Variants in INSL6 observed in about 807,000 individuals in gnomAD.
The protein encoded by INSL6 is insulin like 6, also known as insulin-like peptide INSL6.
Under a neutral mutation model 9.4 loss-of-function variants are expected in INSL6, and 16 were observed. The observed-to-expected ratio is 1.70, with a 90% CI of 1.15 to 2.59. INSL6 has a LOEUF of 2.59. Among genes scored for constraint, INSL6 ranks in the 30% most tolerant of loss-of-function variants. INSL6 has a pLI of 0.00. For missense variants in INSL6, 391 were observed against 257.3 expected (o/e 1.52, Z -3.56); for synonymous variants, 154 against 96.9 (o/e 1.59, Z -3.46).
the INSL6 span, among the ~76,000 whole-genome samples, chr9:4,997,634 C>A: frequency 6.6e-6 from 1 of 152,174 alleles, no homozygotes; most frequent in African/African-American, 2.4e-5. Flanking sequence ...AAGGGGACAA[C>A]ATCCAAACTG....
chr9:5,102,615 G>A, the INSL6 span, among the ~76,000 whole-genome samples: 1 of 152,078 alleles, frequency 6.6e-6, no homozygotes, highest in Non-Finnish European at 1.5e-5. Flanking sequence ...TTGAAATGAA[G>A]GAAAAAAATG....
At chr9:5,086,749 C>T in the INSL6 span, among the ~76,000 whole-genome samples, 4 of 152,090 alleles carry the variant, frequency 2.6e-5, no homozygotes, top group Non-Finnish European at 5.9e-5. Flanking sequence ...TGGCTTTTTT[C>T]AACATAAATG....
chr9:5,082,129 G>C, the INSL6 span, among the ~76,000 whole-genome samples: 30 of 148,660 alleles, frequency 2.0e-4, no homozygotes, highest in Admixed American at 2.0e-3. Context: ...CAAAAGTATA[G>C]AGAAAGAAAA....
the INSL6 span, among the ~76,000 whole-genome samples, chr9:5,026,011 CTT>C: frequency 6.6e-6 from 1 of 152,216 alleles, no homozygotes; most frequent in East Asian, 1.9e-4. Context: ...ATCTGTGCCT[CTT>C]TTTTTCTTAT....
At chr9:5,069,733 A>G in the INSL6 span, among the ~76,000 whole-genome samples, 1 of 152,186 alleles carries the variant, frequency 6.6e-6, no homozygotes, top group African/African-American at 2.4e-5. Context: ...TTTTGAATGT[A>G]TGAAGTAACT....
intron 2 of INSL6, among the ~76,000 whole-genome samples, chr9:5,147,421 A>G (rs946929173): frequency 4.6e-5 from 7 of 152,150 alleles, no homozygotes; most frequent in Admixed American, 2.6e-4. Flanking sequence ...TGCAGAGGCA[A>G]TGGCAGAGAA....
At chr9:5,008,018 C>T in the INSL6 span, among the ~76,000 whole-genome samples, 21 of 152,086 alleles carry the variant, frequency 1.4e-4, no homozygotes, top group African/African-American at 3.9e-4. Flanking sequence ...CATGAGCCAC[C>T]GCGCCTGGCC....
chr9:5,095,805 A>G, the INSL6 span, among the ~76,000 whole-genome samples: 1 of 152,172 alleles, frequency 6.6e-6, no homozygotes. Flanking sequence ...TCCCAGTACT[A>G]ACTTATAATC....
chr9:5,126,302 AC>A (rs756938403), intron 3 of INSL6: 1 of 1,472,250 alleles, frequency 6.8e-7, no homozygotes, highest in African/African-American at 1.4e-5. Context: ...AATTAAATGT[AC>A]AAAAAATATT....
At chr9:5,183,340 T>C (rs1825499359) in intron 1 of INSL6, among the ~76,000 whole-genome samples, 2 of 152,222 alleles carry the variant, frequency 1.3e-5, no homozygotes, top group African/African-American at 4.8e-5. Flanking sequence ...CAGCAAACTG[T>C]CTTTTACATA....
intron 1 of INSL6, among the ~76,000 whole-genome samples, chr9:5,179,761 CAT>C (rs758762473): frequency 2.6e-5 from 4 of 152,320 alleles, no homozygotes; most frequent in East Asian, 1.9e-4. Flanking sequence ...CCAAACACCA[CAT>C]GTTCTCACTT....
intron 1 of INSL6, among the ~76,000 whole-genome samples, chr9:5,164,735 T>C (rs1825010044): frequency 6.6e-6 from 1 of 152,254 alleles, no homozygotes; most frequent in Non-Finnish European, 1.5e-5. Context: ...AAGCATACAA[T>C]ACATGACCTT....
At chr9:5,180,982 C>A (rs1025035486) in intron 1 of INSL6, among the ~76,000 whole-genome samples, 3 of 152,158 alleles carry the variant, frequency 2.0e-5, no homozygotes, top group Non-Finnish European at 2.9e-5. Flanking sequence ...CTCAGGCCAG[C>A]ATTAGAGTCC....
At chr9:5,078,376 A>G in the INSL6 span, 1 of 1,612,816 alleles carries the variant, frequency 6.2e-7, no homozygotes, top group Middle Eastern at 1.7e-4. Flanking sequence ...GAAGACAGGA[A>G]GACAGGAAAT....
chr9:5,048,095 C>A, the INSL6 span, among the ~76,000 whole-genome samples: 6 of 152,040 alleles, frequency 3.9e-5, no homozygotes, highest in Admixed American at 3.3e-4. Flanking sequence ...TCATGACTTC[C>A]ATAGAATTTC....
chr9:5,047,549 A>AT, the INSL6 span, among the ~76,000 whole-genome samples: 1 of 152,200 alleles, frequency 6.6e-6, no homozygotes. Context: ...ATCATTTCTG[A>AT]TTTTGTGACT....
chr9:5,133,285 G>C (rs2130880749), intron 3 of INSL6: 1 of 152,116 alleles, frequency 6.6e-6, no homozygotes. Flanking sequence ...TATAGACATA[G>C]GTCAAACCAG....
chr9:5,095,965 C>T, the INSL6 span, among the ~76,000 whole-genome samples: 2 of 152,318 alleles, frequency 1.3e-5, no homozygotes, highest in African/African-American at 2.4e-5. Context: ...TTCACTAATT[C>T]TACTATCCCT....
At chr9:5,074,985 AG>A in the INSL6 span, among the ~76,000 whole-genome samples, 1 of 152,218 alleles carries the variant, frequency 6.6e-6, no homozygotes, top group East Asian at 1.9e-4. Flanking sequence ...AAAGTGAAAC[AG>A]TCTTATTGAT....
Sources: gnomAD v4.1 joint callset for allele counts (sites outside exome capture counted in the v4.1 genomes callset) on GRCh38, gnomAD v4.1.1 for gene constraint, MANE v1.5 for transcripts, NCBI Gene and HGNC (gene_info 2026-07-23, HGNC 2026-07-21) for gene names.